The following MEGF8 variants were observed in gnomAD, a reference collection of about 807,000 sequenced individuals.
The protein encoded by MEGF8 is multiple EGF like domains 8, also known as multiple epidermal growth factor-like domains protein 8.
In MEGF8, 156 loss-of-function variants were observed where a neutral mutation model predicts 302.9. The observed-to-expected ratio is 0.52, with a 90% CI of 0.45 to 0.59. The LOEUF is 0.59. Ranked by LOEUF, MEGF8 falls within the 20% of genes least tolerant of loss-of-function variation. The probability of loss-of-function intolerance (pLI) is 0.00; values close to 1 mark genes in which losing one functional copy is unlikely to be tolerated. For missense variants in MEGF8, 3,345 were observed against 3,964.5 expected (o/e 0.84, Z 4.20); for synonymous variants, 1,621 against 1,660.5 (o/e 0.98, Z 0.58).
chr19:42,365,811 C>CAG, intron 35 of MEGF8, among the ~76,000 whole-genome samples: 1 of 142,960 alleles, frequency 7.0e-6, no homozygotes, highest in East Asian at 2.1e-4. Context: ...AGGCCAGGTG[C>CAG]AGTGGCTCAC....
chr19:42,358,749 G>A lies in MEGF8; in HGVS notation c.5176-38G>A, dbSNP rs28675764. 5,064 of 1,480,208 alleles carry A rather than the reference G, an allele frequency of 3.4e-3. 126 individuals carry two copies. The African/African-American group carries it at 0.056, about 16-fold the overall frequency. The allele number at this position is 1,480,208 out of a possible 1,614,324, so 91.7% of individuals were successfully genotyped here. ...GCAGGGGGCTAGAAGCAAGAGACTCGAGGAGCCTCAACCCCAGGACGCCCC... is the reference window on the plus strand; with the variant it reads ...GCAGGGGGCTAGAAGCAAGAGACTCAAGGAGCCTCAACCCCAGGACGCCCC... On this transcript the variant is annotated intron_variant, in intron 29 of 41. Coordinates refer to ENST00000251268, the MANE Select transcript of MEGF8 (RefSeq NM_001271938.2). The surrounding 1 kb of genome is among the most constrained non-coding windows in gnomAD (Gnocchi z 4.4).
chr19:42,338,540 C>A (rs756647931), intron 8 of MEGF8, among the ~76,000 whole-genome samples: 12 of 152,182 alleles, frequency 7.9e-5, no homozygotes, highest in Non-Finnish European at 1.8e-4. Context: ...CTGTGCCCAG[C>A]CCCAGTAGGT....
chr19:42,340,959 C>T (rs1156897396), intron 8 of MEGF8, among the ~76,000 whole-genome samples: 3 of 152,160 alleles, frequency 2.0e-5, no homozygotes, highest in African/African-American at 4.8e-5. Flanking sequence ...TGAGCCACCA[C>T]GCCCGGCCTA....
At chr19:42,345,480 C>T (rs1468745265) in intron 12 of MEGF8, among the ~76,000 whole-genome samples, 1 of 152,230 alleles carries the variant, frequency 6.6e-6, no homozygotes, top group African/African-American at 2.4e-5. Flanking sequence ...AGCTACTAAT[C>T]TGTTTTCCAT....
Position 42,358,074 on chromosome 19 carries a change from G to A in MEGF8, c.5012-70G>A. On this transcript the variant is annotated intron_variant, in intron 28 of 41. Coordinates refer to ENST00000251268, the MANE Select transcript of MEGF8 (RefSeq NM_001271938.2). The surrounding 1 kb of genome is among the most constrained non-coding windows in gnomAD (Gnocchi z 4.4). ...GGAAGGGAGTGGTCACCGAACAGGG[G>A]ACCGGGAGGTCGGCGGGGTCAGTGC... 3 of 1,401,822 alleles carry A rather than the reference G, an allele frequency of 2.1e-6. No individual in the cohort carries two copies. The highest frequency in any genetic ancestry group is 2.8e-6 in the Non-Finnish European group (3 of 1,070,060). The allele number at this position is 1,401,822 out of a possible 1,614,324, so 86.8% of individuals were successfully genotyped here. A position where few individuals can be genotyped will look rare whatever the true frequency, so the allele number is the denominator to read the frequency against.
At chr19:42,370,380 G>T in intron 39 of MEGF8, 21 bp downstream of exon 39, 1 of 1,545,474 alleles carries the variant, frequency 6.5e-7, no homozygotes, top group South Asian at 1.2e-5. Context: ...GGGGTCAGAT[G>T]CCTGGGTCTG....
Position 42,354,174 on chromosome 19 carries a change from C to T in MEGF8, c.4011+150C>T, listed in dbSNP as rs1303598870. The T allele has an allele frequency of 2.0e-6, 2 of 1,007,344 alleles. No homozygotes were observed. The highest frequency in any genetic ancestry group is 1.6e-5 in the African/African-American group (1 of 61,302). The allele number at this position is 1,007,344 out of a possible 1,614,324, so 62.4% of individuals were successfully genotyped here. On this transcript the variant is annotated intron_variant, in intron 22 of 41. Coordinates refer to ENST00000251268, the MANE Select transcript of MEGF8 (RefSeq NM_001271938.2). This position sits in a 1 kb window ranked among gnomAD's most constrained non-coding sequence, Gnocchi z 4.3. ...AAACCCAAACTCCTCCTCAGATCCCCAGCACTTTGTTCCTAGGCCCACAGA... is the reference window on the plus strand; with the variant it reads ...AAACCCAAACTCCTCCTCAGATCCCTAGCACTTTGTTCCTAGGCCCACAGA...
At chr19:42,342,859 C>T (rs574447735) in intron 8 of MEGF8, among the ~76,000 whole-genome samples, 1 of 152,220 alleles carries the variant, frequency 6.6e-6, no homozygotes, top group African/African-American at 2.4e-5. Flanking sequence ...GTCTTTGCCC[C>T]AAGAATTGAG....
chr19:42,354,035 A>G lies in MEGF8; in HGVS notation c.4011+11A>G, dbSNP rs1402418203. On this transcript the variant is annotated intron_variant, in intron 22 of 41. Transcript: ENST00000251268. The surrounding 1 kb of genome is among the most constrained non-coding windows in gnomAD (Gnocchi z 4.3). ...AGCACCCCCTGCACGGTGAGCACTGAGGAAACGAGGGTTCAGGCGCATGAG... is the reference window on the plus strand; with the variant it reads ...AGCACCCCCTGCACGGTGAGCACTGGGGAAACGAGGGTTCAGGCGCATGAG... 2 of 1,582,254 alleles carry G rather than the reference A, an allele frequency of 1.3e-6. No individual in the cohort carries two copies. Among genetic ancestry groups the G allele is most frequent in the East Asian group, 2.3e-5 (1 of 43,042 alleles).
Position 42,335,188 on chromosome 19 carries a change from C to G in MEGF8, c.712C>G (p.Pro238Ala). 6.2e-7 allele frequency: 1 copy of G among 1,614,020 alleles called. No homozygotes were observed. The highest frequency in any genetic ancestry group is 8.5e-7 in the Non-Finnish European group (1 of 1,179,890). The stretch of plus-strand genomic sequence containing the variant: ...TGGGGCAGCTGGCGCCTTCCTGTCC[C>G]CACCAGGGCTGCTGGCAGTTTTCGG... ...RIGAAGAFLSPPGLLAVFGGQ... is the reference protein window; with the variant it reads ...RIGAAGAFLSAPGLLAVFGGQ... Residue 238 changes from proline to alanine, a missense_variant, in exon 4 of 42, where the codon CCA becomes GCA. Transcript: ENST00000251268.
At chr19:42,331,448 G>A (rs2039053395) in intron 1 of MEGF8, among the ~76,000 whole-genome samples, 1 of 152,222 alleles carries the variant, frequency 6.6e-6, no homozygotes, top group Non-Finnish European at 1.5e-5. Flanking sequence ...CTGTTCAGAA[G>A]GCTTCTCATG....
In MEGF8 at chr19:42,369,745, A is replaced by AC. The variant is rs1270614006; in HGVS notation, c.6834+27dup. 2 of 1,576,284 alleles carry AC rather than the reference A, an allele frequency of 1.3e-6. No individual in the cohort carries two copies. The highest frequency in any genetic ancestry group is 1.7e-6 in the Non-Finnish European group (2 of 1,163,162). ...CAAGGTGGGCCGCCCGGAGCCTCAG[A>AC]CCCCCGACCCTGGGACCCAGGCCCT... On this transcript the variant is annotated intron_variant, in intron 38 of 41. Coordinates refer to ENST00000251268, the MANE Select transcript of MEGF8 (RefSeq NM_001271938.2). The surrounding 1 kb of genome is among the most constrained non-coding windows in gnomAD (Gnocchi z 5.7).
intron 8 of MEGF8, among the ~76,000 whole-genome samples, chr19:42,338,545 G>T (rs143997856): frequency 6.6e-6 from 1 of 152,136 alleles, no homozygotes; most frequent in East Asian, 1.9e-4. Flanking sequence ...CCCAGCCCCA[G>T]TAGGTAGTTT....
At position 42,356,185 on chromosome 19, in the gene MEGF8, C is replaced by G. The variant is rs754966620; in HGVS notation, c.4495C>G (p.Leu1499Val). The G allele has an allele frequency of 8.5e-6, 13 of 1,530,898 alleles. No homozygotes were observed. The East Asian group carries it at 2.9e-4, about 34-fold the overall frequency. 94.8% of individuals were successfully genotyped at this position (1,530,898 alleles called of 1,614,324 possible). A position where few individuals can be genotyped will look rare whatever the true frequency, so the allele number is the denominator to read the frequency against. The change falls in exon 25 of 42, where the codon CTC becomes GTC. Residue 1499 changes from leucine to valine, a missense_variant. By Grantham distance (32) the Leu-to-Val change is conservative (BLOSUM62 1). Transcript: ENST00000251268. The surrounding 1 kb of genome is among the most constrained non-coding windows in gnomAD (Gnocchi z 5.2). Reference sequence around the variant, plus strand: ...CTGGGAGACCCTCATGGACAGCCGCCTCTCAGCCGTGAGTTGTGGGTACCC... The same window carrying G: ...CTGGGAGACCCTCATGGACAGCCGCGTCTCAGCCGTGAGTTGTGGGTACCC... ...LVWETLMDSRLSADTASRFLH... is the reference protein window; with the variant it reads ...LVWETLMDSRVSADTASRFLH...
intron 8 of MEGF8, 34 bp downstream of exon 8, chr19:42,337,240 G>A (rs2039141060): frequency 1.2e-6 from 2 of 1,611,948 alleles, no homozygotes; most frequent in South Asian, 2.2e-5. Context: ...AGGGGCTCCT[G>A]AGGGTCCCAC....
rs1600056448 is a variant in MEGF8 at position 42,356,300 on chromosome 19, C to T, written c.4504-35C>T. The stretch of plus-strand genomic sequence containing the variant: ...CCAGGCCTGGCACTTTGTCCTGACC[C>T]TAGCCTGATCCCCAATGTCCGCACC... On this transcript the variant is annotated intron_variant, in intron 25 of 41. Coordinates refer to ENST00000251268, the MANE Select transcript of MEGF8 (RefSeq NM_001271938.2). The surrounding 1 kb of genome is among the most constrained non-coding windows in gnomAD (Gnocchi z 5.2). 3 of 1,593,056 alleles carry T rather than the reference C, an allele frequency of 1.9e-6. No homozygotes were observed. The highest frequency in any genetic ancestry group is 4.6e-5 in the East Asian group (2 of 43,886).
intron 31 of MEGF8, among the ~76,000 whole-genome samples, chr19:42,360,272 CT>C (rs1390755882): frequency 1.3e-5 from 2 of 150,224 alleles, no homozygotes; most frequent in Non-Finnish European, 2.9e-5. Context: ...CCTTTGTTGT[CT>C]GCTTGTGTCT....
In MEGF8 at chr19:42,372,073, AAACAC is replaced by A. The variant is rs2039700632; in HGVS notation, c.7269+593_7269+597del. 5.5e-5 allele frequency among the ~76,000 whole-genome samples: 4 copies of A among 72,230 alleles called. No individual in the cohort carries two copies. In the South Asian group the frequency reaches 1.6e-3, roughly 29 times the overall value. The allele number at this position is 72,230 out of a possible 152,430, so 47.4% of individuals were successfully genotyped here. A position where few individuals can be genotyped will look rare whatever the true frequency, so the allele number is the denominator to read the frequency against. ...CAACAACAACAACAACAACAACAAC[AAACAC>A]ACACACACACACACACACACAACAG... On this transcript the variant is annotated intron_variant, in intron 41 of 41. Transcript: ENST00000251268.
intron 12 of MEGF8, among the ~76,000 whole-genome samples, chr19:42,346,780 C>T (rs113809848): frequency 2.0e-5 from 3 of 151,992 alleles, no homozygotes; most frequent in African/African-American, 4.8e-5. Context: ...GTCAGGAGAG[C>T]GAGACCGTCC....
Sources: allele counts gnomAD v4.1 joint callset (sites outside exome capture counted in the v4.1 genomes callset), GRCh38; gene constraint gnomAD v4.1.1; non-coding constraint Gnocchi (gnomAD v3.1); transcripts MANE v1.5; gene names NCBI Gene and HGNC (gene_info 2026-07-23, HGNC 2026-07-21).